The following TMEM132C variants were observed in gnomAD, a reference collection of about 807,000 sequenced individuals.
TMEM132C encodes the protein transmembrane protein 132C, also known as protein phosphatase 1, regulatory subunit 152.
A neutral mutation model predicts 61.4 loss-of-function variants in TMEM132C; 29 were observed. The ratio of observed to expected loss-of-function variants is 0.47; its 90% confidence interval spans 0.35 to 0.64. TMEM132C has a LOEUF of 0.64. TMEM132C is among the 30% of genes least tolerant of loss of function. TMEM132C has a pLI of 0.00. For missense variants in TMEM132C, 1,408 were observed against 1,476.9 expected, an observed-to-expected ratio of 0.95 and a Z score of 0.76; for synonymous variants, 656 against 633.1, an observed-to-expected ratio of 1.04 and a Z score of -0.54.
intron 1 of TMEM132C, among the ~76,000 whole-genome samples, chr12:128,305,085 C>T (rs12321048): frequency 3.6e-4 from 55 of 151,886 alleles, no homozygotes; most frequent in African/African-American, 1.1e-3. Context: ...TCTTTAAAAG[C>T]GTTGCGTATT....
chr12:128,267,466 C>A lies in TMEM132C; in HGVS notation c.64C>A (p.Leu22Met). Residue 22 changes from leucine to methionine, a missense_variant, in exon 1 of 9, where the codon CTG (leucine) becomes ATG (methionine). Transcript: ENST00000435159. ...GCTGTGCGGGGCGCTGAGCCTGCTG[C>A]TGGGCGCGCTGCTGGGCAAAGGTAA... is the stretch of plus-strand genomic sequence containing the variant. ...APLCGALSLL[L>M]GALLGKVIEG... 2 of 1,269,776 alleles carry A rather than the reference C, an allele frequency of 1.6e-6. No individual in the cohort carries two copies. The highest frequency in any genetic ancestry group is 2.0e-6 in the Non-Finnish European group (2 of 1,009,918). 78.7% of individuals were successfully genotyped at this position (1,269,776 alleles called of 1,614,324 possible).
chr12:128,622,174 T>A (rs1953968595), intron 4 of TMEM132C, among the ~76,000 whole-genome samples: 1 of 150,858 alleles, frequency 6.6e-6, no homozygotes, highest in South Asian at 2.1e-4. Flanking sequence ...TGAAACCCCA[T>A]CTCTACTAAA....
chr12:128,611,802 A>G (rs1876643444), intron 3 of TMEM132C, among the ~76,000 whole-genome samples: 1 of 152,196 alleles, frequency 6.6e-6, no homozygotes, highest in Non-Finnish European at 1.5e-5. Context: ...TTCTCTAGGA[A>G]AATCTTCTGC....
chr12:128,434,010 C>T (rs1428790526), intron 2 of TMEM132C, among the ~76,000 whole-genome samples: 1 of 152,216 alleles, frequency 6.6e-6, no homozygotes, highest in Non-Finnish European at 1.5e-5. Flanking sequence ...GATGTATGTT[C>T]CTGGATAGCA....
chr12:128,500,360 T>G (rs6486692), intron 2 of TMEM132C, among the ~76,000 whole-genome samples: 1 of 151,672 alleles, frequency 6.6e-6, no homozygotes, highest in East Asian at 1.9e-4. Context: ...TTCATTAAAA[T>G]TTTTTTAATT....
chr12:128,617,928 C>T (rs543562921), intron 4 of TMEM132C, among the ~76,000 whole-genome samples: 99 of 152,316 alleles, frequency 6.5e-4, no homozygotes, highest in South Asian at 1.0e-3. Flanking sequence ...AAACAACAAG[C>T]CATGGGCCAC....
chr12:128,384,626 GT>G (rs1293296190), intron 1 of TMEM132C, among the ~76,000 whole-genome samples: 1 of 152,158 alleles, frequency 6.6e-6, no homozygotes, highest in Non-Finnish European at 1.5e-5. Flanking sequence ...GCTTCTGGAA[GT>G]CAGAGGGTTG....
intron 2 of TMEM132C, among the ~76,000 whole-genome samples, chr12:128,453,259 G>C (rs767750517): frequency 1.3e-5 from 2 of 152,298 alleles, no homozygotes; most frequent in South Asian, 2.1e-4. Context: ...GGCCAGGCAG[G>C]GCTCAACTGG....
chr12:128,285,774 T>C (rs1415232746), intron 1 of TMEM132C, among the ~76,000 whole-genome samples: 2 of 32,438 alleles, frequency 6.2e-5, no homozygotes, highest in Non-Finnish European at 1.2e-4. Context: ...TCTCTTTCTC[T>C]CTCTCTCTCT....
chr12:128,289,104 AC>A (rs376094941), intron 1 of TMEM132C: 3 of 152,316 alleles, frequency 2.0e-5, no homozygotes, highest in Admixed American at 6.5e-5. Context: ...GTGTGCCCAC[AC>A]GTGCACAAAT....
At chr12:128,625,171 A>G (rs1565995307) in intron 4 of TMEM132C, among the ~76,000 whole-genome samples, 1 of 152,182 alleles carries the variant, frequency 6.6e-6, no homozygotes, top group Admixed American at 6.5e-5. Context: ...TCTAACTGAA[A>G]CTGAGCATTT....
At chr12:128,482,009 AGT>A (rs113730711) in intron 2 of TMEM132C, among the ~76,000 whole-genome samples, 21 of 152,328 alleles carry the variant, frequency 1.4e-4, no homozygotes, top group African/African-American at 3.6e-4. Flanking sequence ...CTGCCCATTC[AGT>A]GTGATATTGG....
chr12:128,298,632 A>G (rs79132286), intron 1 of TMEM132C, among the ~76,000 whole-genome samples: 3,145 of 152,284 alleles, frequency 0.021, 110 homozygotes, highest in African/African-American at 0.072. Context: ...TGAAGACACT[A>G]AACTGTGCCA....
chr12:128,498,517 A>C (rs1029050064), intron 2 of TMEM132C, among the ~76,000 whole-genome samples: 9 of 152,092 alleles, frequency 5.9e-5, no homozygotes, highest in Non-Finnish European at 1.3e-4. Flanking sequence ...CTCTATTAAA[A>C]ATACAAAATT....
chr12:128,352,282 A>C (rs2135963624), intron 1 of TMEM132C, among the ~76,000 whole-genome samples: 1 of 152,314 alleles, frequency 6.6e-6, no homozygotes, highest in East Asian at 1.9e-4. Context: ...GTCCTTCTTC[A>C]CATGGCGGCA....
intron 1 of TMEM132C, among the ~76,000 whole-genome samples, chr12:128,402,553 C>G (rs868015186): frequency 1.3e-5 from 2 of 152,194 alleles, no homozygotes; most frequent in Admixed American, 1.3e-4. Context: ...GCGTAGGAAA[C>G]TGACACACCG....
intron 2 of TMEM132C, among the ~76,000 whole-genome samples, chr12:128,538,237 C>T (rs1037100982): frequency 2.6e-5 from 4 of 152,182 alleles, no homozygotes; most frequent in African/African-American, 9.7e-5. Context: ...TCCCCTGCCT[C>T]AGTCTCCCAA....
intron 2 of TMEM132C, among the ~76,000 whole-genome samples, chr12:128,491,462 C>T (rs950626190): frequency 6.6e-6 from 1 of 152,168 alleles, no homozygotes; most frequent in East Asian, 1.9e-4. Context: ...GAGAGCCAGT[C>T]GGAGATTAGT....
intron 1 of TMEM132C, among the ~76,000 whole-genome samples, chr12:128,386,198 T>G (rs1874575978): frequency 6.6e-6 from 1 of 152,182 alleles, no homozygotes; most frequent in Admixed American, 6.5e-5. Flanking sequence ...TTTTATTCAT[T>G]TGCTCCTGCC....
Sources: allele counts gnomAD v4.1 joint callset (sites outside exome capture counted in the v4.1 genomes callset), GRCh38; gene constraint gnomAD v4.1.1; transcripts MANE v1.5; gene names NCBI Gene and HGNC (gene_info 2026-07-23, HGNC 2026-07-21).